Variants in CEP83 observed in about 807,000 individuals in gnomAD.
The protein encoded by CEP83 is centrosomal protein 83.
CEP83 carries 70 observed loss-of-function variants against 101.9 expected under a neutral mutation model. The observed-to-expected ratio is 0.69, with a 90% CI of 0.57 to 0.84. CEP83 has a LOEUF of 0.84. CEP83 is among the 40% of genes least tolerant of loss of function. The probability of loss-of-function intolerance (pLI) is 0.00; values close to 1 mark genes in which losing one functional copy is unlikely to be tolerated. For synonymous variants in CEP83, 264 were observed against 267.9 expected (o/e 0.99, Z 0.14); for missense variants, 715 against 787.2 (o/e 0.91, Z 1.10).
chr12:94,291,041 CCTTG>C, the CEP83 span, among the ~76,000 whole-genome samples: 10 of 152,234 alleles, frequency 6.6e-5, no homozygotes, highest in South Asian at 4.1e-4. Context: ...AAGGGCACTT[CCTTG>C]CTTGGGGATT....
chr12:94,427,571 C>T (rs2065299473), intron 2 of CEP83, among the ~76,000 whole-genome samples: 1 of 152,146 alleles, frequency 6.6e-6, no homozygotes, highest in Admixed American at 6.5e-5. Context: ...GTGAGTAGTA[C>T]AATGTCTGCC....
At chr12:94,418,925 C>T (rs2064497750) in intron 2 of CEP83, among the ~76,000 whole-genome samples, 1 of 151,978 alleles carries the variant, frequency 6.6e-6, no homozygotes, top group African/African-American at 2.4e-5. Context: ...AACACCACAC[C>T]TGACTTTAAA....
At chr12:94,296,997 G>A in the CEP83 span, among the ~76,000 whole-genome samples, 16 of 152,230 alleles carry the variant, frequency 1.1e-4, no homozygotes, top group African/African-American at 2.6e-4. Context: ...TCCCTCACCC[G>A]TCCCATCTTC....
chr12:94,422,345 T>A (rs1593923578), intron 2 of CEP83, among the ~76,000 whole-genome samples: 1 of 152,206 alleles, frequency 6.6e-6, no homozygotes, highest in African/African-American at 2.4e-5. Flanking sequence ...AGAAAGTAAA[T>A]TAGCCTTGCT....
chr12:94,375,455 G>A (rs1033219501), intron 8 of CEP83, among the ~76,000 whole-genome samples: 10 of 152,156 alleles, frequency 6.6e-5, no homozygotes, highest in Admixed American at 2.0e-4. Flanking sequence ...TACAGGTCAT[G>A]GCTGTGAAAA....
chr12:94,376,645 T>C (rs2061551148), intron 7 of CEP83, among the ~76,000 whole-genome samples: 1 of 150,908 alleles, frequency 6.6e-6, no homozygotes, highest in African/African-American at 2.4e-5. Flanking sequence ...AACTAAAATC[T>C]TTTTTGAAAA....
intron 11 of CEP83, among the ~76,000 whole-genome samples, chr12:94,348,755 A>G (rs2060062982): frequency 6.6e-6 from 1 of 152,152 alleles, no homozygotes; most frequent in South Asian, 2.1e-4. Flanking sequence ...GAAAACTGCA[A>G]TGCCCGCAGC....
intron 6 of CEP83, among the ~76,000 whole-genome samples, chr12:94,382,029 T>A (rs953953719): frequency 1.3e-5 from 2 of 152,058 alleles, no homozygotes; most frequent in Non-Finnish European, 1.5e-5. Context: ...ACAGATTGAA[T>A]TTCCCTAACA....
chr12:94,331,685 A>AT lies in CEP83; in HGVS notation c.1707+14dup. 6.2e-7 allele frequency: 1 copy of AT among 1,612,630 alleles called. No homozygotes were observed. The highest frequency in any genetic ancestry group is 8.5e-7 in the Non-Finnish European group (1 of 1,179,604). ...CCATGCCTGGCCAGAGATCACTTTA[A>AT]TAAGAACCACTTGCCTTTTTCTGGG... On this transcript the variant is annotated intron_variant, in intron 14 of 16. Transcript: ENST00000397809.
chr12:94,443,370 C>A (rs1215567031), intron 1 of CEP83, among the ~76,000 whole-genome samples: 1 of 152,032 alleles, frequency 6.6e-6, no homozygotes, highest in African/African-American at 2.4e-5. Context: ...CTACAGTCTG[C>A]AAAATCACAA....
At chr12:94,397,897 T>C (rs2062998954) in intron 6 of CEP83, among the ~76,000 whole-genome samples, 1 of 152,214 alleles carries the variant, frequency 6.6e-6, no homozygotes, top group Non-Finnish European at 1.5e-5. Context: ...TTACCAGCTA[T>C]TTAACAAAAT....
intron 7 of CEP83, among the ~76,000 whole-genome samples, chr12:94,377,384 T>A (rs1397208769): frequency 1.3e-5 from 2 of 151,934 alleles, no homozygotes; most frequent in Non-Finnish European, 2.9e-5. Context: ...CAGGAAAAGA[T>A]CAAAATTCAA....
chr12:94,311,119 G>A (rs1332059338), intron 15 of CEP83, among the ~76,000 whole-genome samples: 1 of 152,158 alleles, frequency 6.6e-6, no homozygotes, highest in African/African-American at 2.4e-5. Context: ...AATCAATCAT[G>A]CCTATGTAAT....
At chr12:94,382,060 GC>G (rs1382082801) in intron 6 of CEP83, among the ~76,000 whole-genome samples, 2 of 151,980 alleles carry the variant, frequency 1.3e-5, no homozygotes, top group Non-Finnish European at 2.9e-5. Context: ...TATACAAACT[GC>G]CAATTTCACA....
At position 94,343,470 on chromosome 12, in the gene CEP83, C is replaced by CTTTTTTTTTTTT. The variant is rs1161481202; in HGVS notation, c.1344-7818_1344-7807dup. Among the ~76,000 whole-genome samples the CTTTTTTTTTTTT allele has an allele frequency of 8.8e-4, 74 of 84,176 alleles. 2 individuals carry two copies. Among genetic ancestry groups the CTTTTTTTTTTTT allele is most frequent in the African/African-American group, 2.2e-3 (42 of 19,070 alleles). 55.2% of individuals were successfully genotyped at this position (84,176 alleles called of 152,430 possible). A position where few individuals can be genotyped will look rare whatever the true frequency, so the allele number is the denominator to read the frequency against. The stretch of plus-strand genomic sequence containing the variant: ...ACAATGCAATAAAGCTAGAAATTAA[C>CTTTTTTTTTTTT]TTTTTTTTTTTTTTTTTTTTTTTTT... On this transcript the variant is annotated intron_variant, in intron 11 of 16. Coordinates refer to ENST00000397809, the MANE Select transcript of CEP83 (RefSeq NM_016122.3).
At chr12:94,344,699 T>C (rs992331555) in intron 11 of CEP83, among the ~76,000 whole-genome samples, 1 of 152,140 alleles carries the variant, frequency 6.6e-6, no homozygotes, top group African/African-American at 2.4e-5. Flanking sequence ...GAGAGATGTA[T>C]GATATTCATG....
the CEP83 span, chr12:94,279,509 A>G: frequency 6.2e-7 from 1 of 1,613,752 alleles, no homozygotes; most frequent in Non-Finnish European, 8.5e-7. Flanking sequence ...CCGGAAAACG[A>G]GAGTGCAGAT....
chr12:94,283,810 G>A, the CEP83 span, among the ~76,000 whole-genome samples: 23 of 152,280 alleles, frequency 1.5e-4, no homozygotes, highest in African/African-American at 4.3e-4. Context: ...TGGGCCAGGC[G>A]TGGTGGCTCA....
chr12:94,370,332 G>A (rs2061240708), intron 8 of CEP83, among the ~76,000 whole-genome samples: 1 of 152,144 alleles, frequency 6.6e-6, no homozygotes, highest in African/African-American at 2.4e-5. Context: ...ACTACTCAAT[G>A]ATTGGAAAAT....
Sources: allele counts gnomAD v4.1 joint callset (sites outside exome capture counted in the v4.1 genomes callset), GRCh38; gene constraint gnomAD v4.1.1; transcripts MANE v1.5; gene names NCBI Gene and HGNC (gene_info 2026-07-23, HGNC 2026-07-21).